Variants in BST1 observed in about 807,000 individuals in gnomAD.
The protein encoded by BST1 is ADP-ribosyl cyclase/cyclic ADP-ribose hydrolase 2.
BST1 carries 49 observed loss-of-function variants against 40.6 expected under a neutral mutation model. That is an observed-to-expected ratio of 1.21 (90% CI 0.96 to 1.53). BST1 has a LOEUF of 1.53. Ranked by LOEUF, BST1 falls within the 40% of genes most tolerant of loss-of-function variation. The pLI is 0.00. For synonymous variants in BST1, 157 were observed against 159.3 expected (o/e 0.99, Z 0.11); for missense variants, 423 against 395.9 (o/e 1.07, Z -0.58).
intron 7 of BST1, among the ~76,000 whole-genome samples, chr4:15,721,668 A>AGGG (rs1389808625): frequency 1.5e-5 from 1 of 68,622 alleles, no homozygotes; most frequent in South Asian, 5.5e-4. Context: ...GGGTAGGGGG[A>AGGG]GGGGGGAGGG....
At chr4:15,711,748 A>G in intron 3 of BST1, 59 bp from the exon 4 acceptor site, 1 of 1,357,350 alleles carries the variant, frequency 7.4e-7, no homozygotes, top group Non-Finnish European at 1.1e-6. Flanking sequence ...TTGTAAGTTA[A>G]TTCTTCTCTG....
chr4:15,737,316 T>C (rs1023804875), downstream of BST1, among the ~76,000 whole-genome samples: 1 of 152,238 alleles, frequency 6.6e-6, no homozygotes. Flanking sequence ...AGTATTTTCA[T>C]AAATGGCCCC....
chr4:15,767,525 G>A, the BST1 span, among the ~76,000 whole-genome samples: 2 of 151,748 alleles, frequency 1.3e-5, no homozygotes, highest in African/African-American at 2.4e-5. Context: ...GGATGGTCTC[G>A]ATCTCCTGAC....
the BST1 span, among the ~76,000 whole-genome samples, chr4:15,764,873 G>GGGGTGTGTGTGTGT: frequency 0.027 from 3,698 of 137,418 alleles, 159 homozygotes; most frequent in African/African-American, 0.077. Context: ...AATTAGGTGA[G>GGGGTGTGTGTGTGT]GTGTGTGTGT....
At chr4:15,707,878 C>CATATATATATATATATATATATACACAT (rs5856312) in intron 3 of BST1, among the ~76,000 whole-genome samples, 1 of 138,152 alleles carries the variant, frequency 7.2e-6, no homozygotes, top group Non-Finnish European at 1.5e-5. Context: ...TATATATACA[C>CATATATATATATATATATATATACACAT]ATATATATAC....
the BST1 span, among the ~76,000 whole-genome samples, chr4:15,771,222 C>G: frequency 6.6e-6 from 1 of 152,130 alleles, no homozygotes; most frequent in East Asian, 1.9e-4. Flanking sequence ...ACCAATTAAT[C>G]CGCACTTCAA....
chr4:15,734,010 T>C (rs75602570), downstream of BST1, among the ~76,000 whole-genome samples: 4,721 of 152,344 alleles, frequency 0.031, 228 homozygotes, highest in African/African-American at 0.1. Context: ...CACCATGGAA[T>C]ACTACTCAGC....
At chr4:15,735,640 ACCAAC>A (rs1205381824), downstream of BST1, among the ~76,000 whole-genome samples, 1 of 152,142 alleles carries the variant, frequency 6.6e-6, no homozygotes, top group Non-Finnish European at 1.5e-5. Flanking sequence ...GACCCAACCA[ACCAAC>A]TTCCAATTCA....
rs1721426056 is a variant in BST1 at position 15,732,647 on chromosome 4, C to G, written c.*802C>G. The G allele has an allele frequency of 6.6e-6, 1 of 152,076 alleles. No homozygotes were observed. Among genetic ancestry groups the G allele is most frequent in the Non-Finnish European group, 1.5e-5 (1 of 68,024 alleles). The allele number at this position is 152,076 out of a possible 1,614,324, so 9.4% of individuals were successfully genotyped here. On this transcript the variant is annotated 3_prime_UTR_variant, in exon 9 of 9. Transcript: ENST00000265016. ...TAGTTACTTATAATGAGGGAAAAAC[C>G]CAAAATATCCAGTAATATTTACATA... is the stretch of plus-strand genomic sequence containing the variant.
the BST1 span, among the ~76,000 whole-genome samples, chr4:15,745,114 AT>A: frequency 6.6e-6 from 1 of 152,210 alleles, no homozygotes; most frequent in Admixed American, 6.5e-5. Flanking sequence ...ATATTGATCA[AT>A]AAAGAAGTTG....
chr4:15,751,568 T>G, the BST1 span, among the ~76,000 whole-genome samples: 34 of 152,180 alleles, frequency 2.2e-4, no homozygotes, highest in African/African-American at 7.7e-4. Flanking sequence ...GATATATACA[T>G]TATAGTCACT....
downstream of BST1, among the ~76,000 whole-genome samples, chr4:15,736,705 A>G (rs983204090): frequency 1.3e-5 from 2 of 152,030 alleles, no homozygotes; most frequent in African/African-American, 2.4e-5. Context: ...TGCACTCTCC[A>G]TGAACCTTCT....
chr4:15,755,285 T>G, the BST1 span, among the ~76,000 whole-genome samples: 1 of 152,030 alleles, frequency 6.6e-6, no homozygotes, highest in African/African-American at 2.4e-5. Context: ...ATTACAGGTG[T>G]GCACCACCAC....
At chr4:15,725,339 T>G (rs572192585) in intron 8 of BST1, among the ~76,000 whole-genome samples, 2 of 152,300 alleles carry the variant, frequency 1.3e-5, no homozygotes, top group African/African-American at 4.8e-5. Flanking sequence ...ATCTCCAGCA[T>G]GTATTCTAGG....
chr4:15,727,464 C>T (rs1171586579), intron 8 of BST1, among the ~76,000 whole-genome samples: 1 of 152,148 alleles, frequency 6.6e-6, no homozygotes, highest in African/African-American at 2.4e-5. Flanking sequence ...AACATTCTAG[C>T]TGTGAATAGT....
intron 4 of BST1, 62 bp from the exon 5 acceptor site, chr4:15,715,223 A>T: frequency 1.4e-6 from 2 of 1,469,704 alleles, no homozygotes; most frequent in Non-Finnish European, 1.9e-6. Context: ...TAAAAAATGC[A>T]CATTTCATAG....
At chr4:15,743,385 G>A in the BST1 span, 1 of 305,442 alleles carries the variant, frequency 3.3e-6, no homozygotes, top group Non-Finnish European at 6.4e-6. Context: ...GTATGAAGCT[G>A]TAGGATATAT....
At chr4:15,735,368 G>A (rs1032011757), downstream of BST1, among the ~76,000 whole-genome samples, 5 of 152,182 alleles carry the variant, frequency 3.3e-5, no homozygotes, top group African/African-American at 1.2e-4. Context: ...CTGCTTGGAT[G>A]AAGTAGACCT....
chr4:15,762,239 C>T, the BST1 span, among the ~76,000 whole-genome samples: 1 of 143,798 alleles, frequency 7.0e-6, no homozygotes, highest in African/African-American at 2.6e-5. Flanking sequence ...TAATTCAAAA[C>T]CATGCATACA....
Sources: gnomAD v4.1 joint callset for allele counts (sites outside exome capture counted in the v4.1 genomes callset) on GRCh38, gnomAD v4.1.1 for gene constraint, MANE v1.5 for transcripts, NCBI Gene and HGNC (gene_info 2026-07-23, HGNC 2026-07-21) for gene names.